The following UNC13C variants were observed in gnomAD, a reference collection of about 807,000 sequenced individuals.
UNC13C encodes protein unc-13 homolog C.
Under a neutral mutation model 245.4 loss-of-function variants are expected in UNC13C, and 174 were observed. The observed-to-expected ratio is 0.71, with a 90% CI of 0.63 to 0.80. UNC13C has a LOEUF of 0.80. Among genes scored for constraint, UNC13C ranks in the 30% least tolerant of loss-of-function variants. The probability of loss-of-function intolerance (pLI) is 0.00; values close to 1 mark genes in which losing one functional copy is unlikely to be tolerated. For synonymous variants in UNC13C, 992 were observed against 895.1 expected, an observed-to-expected ratio of 1.11 and a Z score of -1.93; for missense variants, 2,829 against 2,602.9, an observed-to-expected ratio of 1.09 and a Z score of -1.89.
intron 10 of UNC13C, among the ~76,000 whole-genome samples, chr15:54,279,133 A>G (rs781308261): frequency 1.3e-5 from 2 of 152,170 alleles, no homozygotes; most frequent in African/African-American, 2.4e-5. Context: ...CCAAAATATG[A>G]CAGGTGTTGC....
At chr15:54,598,140 G>A (rs543698836) in intron 30 of UNC13C, among the ~76,000 whole-genome samples, 17 of 152,114 alleles carry the variant, frequency 1.1e-4, no homozygotes, top group South Asian at 8.3e-4. Context: ...TCGCTTTGTC[G>A]CCCACGCTGG....
At position 54,014,631 on chromosome 15, in the gene UNC13C, C is replaced by T. The variant is rs768655755; in HGVS notation, c.1728C>T (p.Ser576=). 6.2e-7 allele frequency: 1 copy of T among 1,613,714 alleles called. No homozygotes were observed. Among genetic ancestry groups the T allele is most frequent in the East Asian group, 2.2e-5 (1 of 44,872 alleles). The change falls in exon 2 of 33, where the codon AGC becomes AGT. Residue 576 remains serine, a synonymous_variant. Coordinates refer to ENST00000260323, the MANE Select transcript of UNC13C (RefSeq NM_001080534.3). The part of the protein sequence containing the change: ...ENQFFTRTNG[S]SLLSSSDREL... ...AGTTTTTCACTAGAACTAATGGAAG[C>T]TCTCTCCTGTCATCTTCGGACCGGG...
chr15:54,128,170 C>A lies in UNC13C; in HGVS notation c.2984-14848C>A, dbSNP rs74556023. On this transcript the variant is annotated intron_variant, in intron 2 of 32. Coordinates refer to ENST00000260323, the MANE Select transcript of UNC13C (RefSeq NM_001080534.3). ...AGAACACAATCCCATTTACAATAGC[C>A]ACAAAGAAAATGAAGTACTCATAAA... Among the ~76,000 whole-genome samples the A allele has an allele frequency of 3.1e-3, 477 of 152,130 alleles. 14 individuals carry two copies. The East Asian group carries it at 0.054, about 17-fold the overall frequency.
chr15:53,874,165 A>G, the UNC13C span, among the ~76,000 whole-genome samples: 17 of 152,006 alleles, frequency 1.1e-4, no homozygotes, highest in African/African-American at 3.9e-4. Flanking sequence ...TTGTGGAGAC[A>G]GGGTTTTGCC....
intron 1 of UNC13C, among the ~76,000 whole-genome samples, chr15:54,010,666 A>T (rs548160684): frequency 7.9e-5 from 12 of 152,322 alleles, no homozygotes; most frequent in African/African-American, 2.6e-4. Flanking sequence ...ATATATTTTT[A>T]ATTGTATGAA....
intron 19 of UNC13C, among the ~76,000 whole-genome samples, chr15:54,472,850 T>A (rs1027392266): frequency 1.3e-5 from 2 of 151,942 alleles, no homozygotes; most frequent in African/African-American, 4.8e-5. Context: ...GTTTCCTTTT[T>A]TAAAAATAAT....
At chr15:54,450,672 A>G (rs1308031863) in intron 19 of UNC13C, among the ~76,000 whole-genome samples, 1 of 152,184 alleles carries the variant, frequency 6.6e-6, no homozygotes, top group Non-Finnish European at 1.5e-5. Flanking sequence ...GGTCTGTCAC[A>G]GCTTTGCTTG....
intron 16 of UNC13C, among the ~76,000 whole-genome samples, chr15:54,336,044 A>T (rs56013046): frequency 0.18 from 26,556 of 151,726 alleles, 2,819 homozygotes; most frequent in Middle Eastern, 0.29. Context: ...TAATATTGAG[A>T]ATTTTGGAGG....
intron 4 of UNC13C, among the ~76,000 whole-genome samples, chr15:54,216,789 T>C (rs1231365944): frequency 1.3e-5 from 2 of 152,000 alleles, no homozygotes; most frequent in Non-Finnish European, 2.9e-5. Flanking sequence ...AGCGTGAACA[T>C]TGTTGTTCCG....
At chr15:54,271,890 C>T (rs2036696938) in intron 10 of UNC13C, among the ~76,000 whole-genome samples, 1 of 152,182 alleles carries the variant, frequency 6.6e-6, no homozygotes, top group East Asian at 1.9e-4. Context: ...CCACTTACTT[C>T]TTGGAGTATC....
intron 13 of UNC13C, chr15:54,320,853 C>G (rs1006988965): frequency 1.2e-5 from 4 of 323,378 alleles, no homozygotes; most frequent in Non-Finnish European, 2.4e-5. Context: ...AAAGTTTCTA[C>G]CCTTCATTCA....
intron 17 of UNC13C, among the ~76,000 whole-genome samples, chr15:54,374,092 TC>T (rs2039553031): frequency 6.6e-6 from 1 of 152,106 alleles, no homozygotes; most frequent in South Asian, 2.1e-4. Context: ...TGCAGACAGG[TC>T]CTCTGAATGT....
the UNC13C span, among the ~76,000 whole-genome samples, chr15:53,901,880 A>G: frequency 9.9e-5 from 15 of 152,270 alleles, no homozygotes; most frequent in South Asian, 3.1e-3. Context: ...AGTCTCTCTT[A>G]TCTCTGACTT....
At chr15:54,398,901 C>G (rs567091567) in intron 18 of UNC13C, among the ~76,000 whole-genome samples, 50 of 151,644 alleles carry the variant, frequency 3.3e-4, no homozygotes, top group African/African-American at 9.2e-4. Context: ...TCTTAAGAAA[C>G]AGCTTTTGAT....
chr15:54,079,004 G>T (rs1898787621), intron 2 of UNC13C, among the ~76,000 whole-genome samples: 1 of 152,082 alleles, frequency 6.6e-6, no homozygotes, highest in Non-Finnish European at 1.5e-5. Flanking sequence ...GAGAGATGGG[G>T]ATCTATTTTT....
At chr15:54,245,741 G>T (rs1216132859) in intron 7 of UNC13C, among the ~76,000 whole-genome samples, 1 of 152,132 alleles carries the variant, frequency 6.6e-6, no homozygotes, top group Non-Finnish European at 1.5e-5. Flanking sequence ...CTTCACCGAA[G>T]AGTAGATATA....
rs923599016 is a variant in UNC13C at position 54,532,602 on chromosome 15, C to G, written c.5547-315C>G. On this transcript the variant is annotated intron_variant, in intron 25 of 32. Coordinates refer to ENST00000260323, the MANE Select transcript of UNC13C (RefSeq NM_001080534.3). ...ACAGAAAACCAAATACTGCAAGAGT[C>G]TTTTTAGAGCAGTCATTTTCCCAAA... is the stretch of plus-strand genomic sequence containing the variant. Among the ~76,000 whole-genome samples the G allele has an allele frequency of 2.6e-5, 4 of 151,792 alleles. No individual in the cohort carries two copies. In the South Asian group the frequency reaches 6.2e-4, roughly 24 times the overall value.
At chr15:54,512,609 A>T (rs922782773) in intron 24 of UNC13C, among the ~76,000 whole-genome samples, 1 of 152,186 alleles carries the variant, frequency 6.6e-6, no homozygotes, top group African/African-American at 2.4e-5. Context: ...AGGGAGGGTC[A>T]TGAAGCAGGG....
intron 30 of UNC13C, among the ~76,000 whole-genome samples, chr15:54,568,991 T>C (rs1396691658): frequency 1.3e-5 from 2 of 152,162 alleles, no homozygotes; most frequent in African/African-American, 4.8e-5. Context: ...AAGGGAAAAG[T>C]CGAGCTCATG....
Sources: gnomAD v4.1 joint callset for allele counts (sites outside exome capture counted in the v4.1 genomes callset) on GRCh38, gnomAD v4.1.1 for gene constraint, MANE v1.5 for transcripts, NCBI Gene and HGNC (gene_info 2026-07-23, HGNC 2026-07-21) for gene names.